Variants in FHIT observed in about 807,000 individuals in gnomAD.
FHIT encodes the protein fragile histidine triad diadenosine triphosphatase.
FHIT carries 19 observed loss-of-function variants against 17.9 expected under a neutral mutation model. That is an observed-to-expected ratio of 1.06 (90% confidence interval 0.74 to 1.56). The LOEUF is 1.56. Ranked by LOEUF, FHIT falls within the 40% of genes most tolerant of loss-of-function variation. The pLI is 0.00. For missense variants in FHIT, 248 were observed against 189.2 expected, an observed-to-expected ratio of 1.31 and a Z score of -1.82; for synonymous variants, 81 against 69.7, an observed-to-expected ratio of 1.16 and a Z score of -0.81.
chr3:60,694,643 A>G (rs1319213737), intron 4 of FHIT, among the ~76,000 whole-genome samples: 2 of 152,214 alleles, frequency 1.3e-5, no homozygotes, highest in African/African-American at 4.8e-5. Flanking sequence ...TATTCACAAT[A>G]GCAAAGACCT....
chr3:59,922,449 A>G (rs1279679218), intron 7 of FHIT, 35 bp from the exon 8 acceptor site: 23 of 1,554,748 alleles, frequency 1.5e-5, no homozygotes, highest in Non-Finnish European at 1.7e-5. Flanking sequence ...AAATGTGATT[A>G]TCTCCCCATG....
At chr3:60,418,376 GTATATATATA>G (rs869203310) in intron 5 of FHIT, among the ~76,000 whole-genome samples, 16 of 14,912 alleles carry the variant, frequency 1.1e-3, no homozygotes, top group African/African-American at 3.3e-3. Flanking sequence ...CTGAATGTGT[GTATATATATA>G]TATATATATA....
intron 3 of FHIT, among the ~76,000 whole-genome samples, chr3:60,889,961 T>TGCTA (rs1321074529): frequency 1.3e-5 from 2 of 152,226 alleles, no homozygotes; most frequent in Non-Finnish European, 2.9e-5. Context: ...CATACCCTTA[T>TGCTA]GCTAGCTCCA....
intron 5 of FHIT, among the ~76,000 whole-genome samples, chr3:60,276,781 C>T (rs1202592124): frequency 3.3e-5 from 5 of 151,976 alleles, no homozygotes; most frequent in Admixed American, 1.3e-4. Flanking sequence ...AAAACAAAGG[C>T]GAGCCAGCAT....
intron 5 of FHIT, among the ~76,000 whole-genome samples, chr3:60,295,767 C>A (rs1170792477): frequency 6.6e-6 from 1 of 152,128 alleles, no homozygotes; most frequent in Admixed American, 6.6e-5. Context: ...TTCTTACCAG[C>A]AAAGATGCAA....
chr3:60,895,807 A>C (rs1382539871), intron 3 of FHIT, among the ~76,000 whole-genome samples: 1 of 127,308 alleles, frequency 7.9e-6, no homozygotes. Context: ...TGTGTCATTC[A>C]GACAGGTCCT....
intron 5 of FHIT, among the ~76,000 whole-genome samples, chr3:60,240,010 G>A (rs1022086428): frequency 6.6e-6 from 1 of 152,166 alleles, no homozygotes; most frequent in African/African-American, 2.4e-5. Flanking sequence ...TCACAGGACT[G>A]CTATCATAGG....
At chr3:60,837,573 A>T (rs578223957) in intron 3 of FHIT, among the ~76,000 whole-genome samples, 8 of 152,152 alleles carry the variant, frequency 5.3e-5, no homozygotes, top group African/African-American at 1.9e-4. Flanking sequence ...TCCCTGTATT[A>T]TAAGTGGTAT....
At chr3:61,116,868 A>C (rs1235842494) in intron 2 of FHIT, among the ~76,000 whole-genome samples, 1 of 152,180 alleles carries the variant, frequency 6.6e-6, no homozygotes, top group Non-Finnish European at 1.5e-5. Context: ...ATAGAAAAAA[A>C]GCTTCATCTT....
chr3:59,891,165 T>C (rs909449891), intron 8 of FHIT, among the ~76,000 whole-genome samples: 23 of 152,154 alleles, frequency 1.5e-4, no homozygotes, highest in Admixed American at 6.5e-5. Context: ...GGTTTAAAAA[T>C]AGTTGATCAA....
chr3:61,168,810 C>T (rs753712509), intron 2 of FHIT, among the ~76,000 whole-genome samples: 3 of 152,222 alleles, frequency 2.0e-5, no homozygotes, highest in Non-Finnish European at 4.4e-5. Context: ...ATAGTTAACT[C>T]ACACCATGAA....
chr3:60,230,144 C>T (rs1269828015), intron 5 of FHIT, among the ~76,000 whole-genome samples: 13 of 152,076 alleles, frequency 8.5e-5, no homozygotes, highest in Admixed American at 8.5e-4. Flanking sequence ...ATTTTGGTTC[C>T]TCAGTTCACA....
intron 5 of FHIT, among the ~76,000 whole-genome samples, chr3:60,269,769 G>C (rs1430076788): frequency 6.6e-6 from 1 of 152,176 alleles, no homozygotes; most frequent in Non-Finnish European, 1.5e-5. Flanking sequence ...AGAAATGTTG[G>C]AACAAATAAG....
At chr3:60,303,709 A>T (rs185103128) in intron 5 of FHIT, among the ~76,000 whole-genome samples, 44 of 152,264 alleles carry the variant, frequency 2.9e-4, no homozygotes, top group African/African-American at 1.0e-3. Flanking sequence ...CACCCCTTGG[A>T]GGTGAGCTGT....
intron 5 of FHIT, among the ~76,000 whole-genome samples, chr3:60,316,278 C>G (rs943066444): frequency 6.6e-6 from 1 of 152,122 alleles, no homozygotes; most frequent in African/African-American, 2.4e-5. Context: ...AAAAATGACA[C>G]TACATCCACC....
chr3:60,659,627 TTCTGAA>T (rs1475559017), intron 4 of FHIT, among the ~76,000 whole-genome samples: 15 of 152,304 alleles, frequency 9.8e-5, no homozygotes, highest in Admixed American at 1.3e-4. Flanking sequence ...TTTTTACTTT[TTCTGAA>T]TCTCTGTATT....
chr3:60,826,499 T>C (rs1257259106), intron 3 of FHIT, among the ~76,000 whole-genome samples: 1 of 152,184 alleles, frequency 6.6e-6, no homozygotes, highest in Non-Finnish European at 1.5e-5. Flanking sequence ...GCTAATTTTG[T>C]ATTTTTAGTA....
At chr3:61,044,119 T>C (rs2033664678) in intron 2 of FHIT, among the ~76,000 whole-genome samples, 1 of 152,140 alleles carries the variant, frequency 6.6e-6, no homozygotes, top group Admixed American at 6.5e-5. Context: ...GGAACAAAGC[T>C]GGATGGAGAA....
intron 5 of FHIT, among the ~76,000 whole-genome samples, chr3:60,252,400 A>T (rs213397): frequency 0.092 from 14,008 of 151,618 alleles, 933 homozygotes; most frequent in South Asian, 0.2. Context: ...TTAAAAATTT[A>T]AAAAATTTAA....
Sources: gnomAD v4.1 joint callset for allele counts (sites outside exome capture counted in the v4.1 genomes callset) on GRCh38, gnomAD v4.1.1 for gene constraint, MANE v1.5 for transcripts, NCBI Gene and HGNC (gene_info 2026-07-23, HGNC 2026-07-21) for gene names.